SPAG17: variants seen among roughly 807,000 people sequenced by gnomAD.
SPAG17 encodes the protein sperm-associated antigen 17.
A neutral mutation model predicts 273.6 loss-of-function variants in SPAG17; 169 were observed. The observed-to-expected ratio is 0.62, with a 90% CI of 0.55 to 0.70. The LOEUF is 0.70. Among genes scored for constraint, SPAG17 ranks in the 30% least tolerant of loss-of-function variants. The pLI is 0.00. For missense variants in SPAG17, 2,557 were observed against 2,627.8 expected (o/e 0.97, Z 0.59); for synonymous variants, 825 against 873.2 (o/e 0.94, Z 0.97).
intron 48 of SPAG17, among the ~76,000 whole-genome samples, chr1:117,955,863 T>C (rs1165135403): frequency 6.6e-6 from 1 of 152,186 alleles, no homozygotes; most frequent in Non-Finnish European, 1.5e-5. Flanking sequence ...GTGGCTTCAC[T>C]GAATATGTTT....
In SPAG17 at chr1:118,087,014, G is replaced by A; in HGVS notation, c.1360-6C>T. 6.4e-7 allele frequency: 1 copy of A among 1,556,472 alleles called. No individual in the cohort carries two copies. The highest frequency in any genetic ancestry group is 1.2e-5 in the South Asian group (1 of 82,282). On this transcript the variant is annotated splice_region_variant and splice_polypyrimidine_tract_variant and intron_variant, in intron 10 of 48. Transcript: ENST00000336338. ...TCTTCTTCAGTTGCAACAACCTGTT[G>A]AAATCAACAATGAGAGGAATTGGTG...
At chr1:118,177,784 T>A (rs1235183414) in intron 1 of SPAG17, among the ~76,000 whole-genome samples, 1 of 152,050 alleles carries the variant, frequency 6.6e-6, no homozygotes, top group Non-Finnish European at 1.5e-5. Flanking sequence ...GAGACTATTA[T>A]GAACAACTGA....
chr1:117,977,808 C>T (rs1405960847), intron 43 of SPAG17, among the ~76,000 whole-genome samples: 1 of 152,184 alleles, frequency 6.6e-6, no homozygotes, highest in African/African-American at 2.4e-5. Context: ...GTTACTACTT[C>T]TCCAAGTGGT....
chr1:118,072,165 G>T (rs1653663847), intron 17 of SPAG17, among the ~76,000 whole-genome samples: 1 of 152,124 alleles, frequency 6.6e-6, no homozygotes, highest in African/African-American at 2.4e-5. Context: ...GTCAAAAACT[G>T]TCTTTAAAGT....
At chr1:117,972,176 T>C in intron 44 of SPAG17, 129 bp from the exon 45 acceptor site, 1 of 808,948 alleles carries the variant, frequency 1.2e-6, no homozygotes, top group Non-Finnish European at 1.9e-6. Flanking sequence ...TACAGTCTCA[T>C]GTCATCCTTA....
intron 22 of SPAG17, among the ~76,000 whole-genome samples, chr1:118,040,267 C>T (rs564224826): frequency 3.9e-5 from 6 of 152,044 alleles, no homozygotes; most frequent in Admixed American, 1.3e-4. Flanking sequence ...GAAACTTATA[C>T]GCATTGTATG....
chr1:117,998,266 T>C (rs6428718), intron 32 of SPAG17, among the ~76,000 whole-genome samples: 73,921 of 151,990 alleles, frequency 0.49, 18,567 homozygotes, highest in African/African-American at 0.58. Context: ...TTCAATCTTC[T>C]GCATATAGCT....
chr1:118,039,552 A>G, intron 22 of SPAG17, 108 bp from the exon 23 acceptor site: 2 of 1,100,374 alleles, frequency 1.8e-6, no homozygotes, highest in Non-Finnish European at 2.7e-6. Flanking sequence ...CGAACAGAAA[A>G]CCAAACACTG....
chr1:118,133,140 T>A (rs893139775), intron 3 of SPAG17, among the ~76,000 whole-genome samples: 3 of 152,124 alleles, frequency 2.0e-5, no homozygotes, highest in African/African-American at 7.2e-5. Flanking sequence ...TTGGAGAATG[T>A]GAATATCCTG....
chr1:118,115,017 G>A (rs959410214), intron 4 of SPAG17, among the ~76,000 whole-genome samples: 1 of 152,002 alleles, frequency 6.6e-6, no homozygotes, highest in African/African-American at 2.4e-5. Context: ...CTCTTCCTTG[G>A]GTCCCTTCTT....
At chr1:118,133,410 C>T (rs1366675329) in intron 3 of SPAG17, among the ~76,000 whole-genome samples, 2 of 151,958 alleles carry the variant, frequency 1.3e-5, no homozygotes, top group African/African-American at 4.8e-5. Flanking sequence ...CTCAGAAGTA[C>T]CTAGGTGCTT....
rs527518506 is a variant in SPAG17, at chr1:118,058,572, A to T, written c.2541-2658T>A. Among the ~76,000 whole-genome samples, 11 of 152,348 alleles carry T rather than the reference A, an allele frequency of 7.2e-5. No individual in the cohort carries two copies. In the South Asian group the frequency reaches 1.9e-3, roughly 26 times the overall value. On this transcript the variant is annotated intron_variant, in intron 18 of 48. Transcript: ENST00000336338. Reference sequence around the variant, plus strand: ...ATGCAGAAAGATAGAAGTGTGGCAGATGGCAGACTAAGAAGCCAGAAGCCT... The same window carrying T: ...ATGCAGAAAGATAGAAGTGTGGCAGTTGGCAGACTAAGAAGCCAGAAGCCT...
At chr1:117,959,464 C>CTTT in intron 48 of SPAG17, 1 of 1,225,124 alleles carries the variant, frequency 8.2e-7, no homozygotes, top group African/African-American at 1.6e-5. Context: ...AATGTGGTAT[C>CTTT]TTTTTTTTTT....
In SPAG17 at chr1:118,086,728, T is replaced by C; in HGVS notation, c.1554A>G (p.Lys518=). Residue 518 remains lysine (K), a synonymous_variant, in exon 12 of 49, where the codon AAA becomes AAG. Coordinates refer to ENST00000336338, the MANE Select transcript of SPAG17 (RefSeq NM_206996.4). ...CATGATAGTTCAGTAGGAGGGGGCC[T>C]TTGGGCACTGCTTTGCTTTCATTTT... The part of the protein sequence containing the change: ...EEENESKAVP[K]GPLLLNYHDA... The C allele has an allele frequency of 6.2e-7, 1 of 1,614,208 alleles. No homozygotes were observed. The highest frequency in any genetic ancestry group is 8.5e-7 in the Non-Finnish European group (1 of 1,180,034).
At chr1:118,073,598 C>A (rs1252835667) in intron 17 of SPAG17, among the ~76,000 whole-genome samples, 1 of 152,048 alleles carries the variant, frequency 6.6e-6, no homozygotes, top group Non-Finnish European at 1.5e-5. Context: ...ATATATGCAG[C>A]AGTCTTGTAT....
chr1:118,069,090 A>G (rs1410062121), intron 17 of SPAG17, among the ~76,000 whole-genome samples: 1 of 152,168 alleles, frequency 6.6e-6, no homozygotes, highest in East Asian at 1.9e-4. Flanking sequence ...TCACGCCTGT[A>G]ATCCCAGCAC....
rs144155775 is a variant in SPAG17 at position 118,140,130 on chromosome 1, C to G, written c.315+10413G>C. Among the ~76,000 whole-genome samples, 13 of 152,264 alleles carry G rather than the reference C, an allele frequency of 8.5e-5. No homozygotes were observed. In the East Asian group the frequency reaches 2.5e-3, roughly 29 times the overall value. On this transcript the variant is annotated intron_variant, in intron 3 of 48. Transcript: ENST00000336338. ...TGGGTGCCCTTGACCTGAGACTTCT[C>G]AGCCTCCTTAACTATAAAAAATAAA...
intron 20 of SPAG17, among the ~76,000 whole-genome samples, chr1:118,048,400 C>A (rs906707470): frequency 9.2e-5 from 14 of 152,028 alleles, no homozygotes; most frequent in Admixed American, 6.6e-4. Flanking sequence ...CTCAGCAGAC[C>A]CAGGCTTCAG....
chr1:118,056,056 T>C (rs140097010), intron 18 of SPAG17, 142 bp from the exon 19 acceptor site: 9 of 603,944 alleles, frequency 1.5e-5, no homozygotes, highest in African/African-American at 1.1e-4. Flanking sequence ...TTGTACAAAA[T>C]AGTCAAATAC....
Sources: allele counts gnomAD v4.1 joint callset (sites outside exome capture counted in the v4.1 genomes callset), GRCh38; gene constraint gnomAD v4.1.1; transcripts MANE v1.5; gene names NCBI Gene and HGNC (gene_info 2026-07-23, HGNC 2026-07-21).